Variants in PARP8 observed in about 807,000 individuals in gnomAD.
PARP8 encodes the protein protein mono-ADP-ribosyltransferase PARP8.
A neutral mutation model predicts 124.1 loss-of-function variants in PARP8; 51 were observed. The observed-to-expected ratio is 0.41, with a 90% confidence interval of 0.33 to 0.52. The LOEUF is 0.52. Ranked by LOEUF, PARP8 falls within the 20% of genes least tolerant of loss-of-function variation. The probability of loss-of-function intolerance (pLI) is 0.21; values close to 1 mark genes in which losing one functional copy is unlikely to be tolerated. For missense variants in PARP8, 860 were observed against 1,018.9 expected (o/e 0.84, Z 2.12); for synonymous variants, 391 against 361.5 (o/e 1.08, Z -0.93).
At chr5:50,693,716 A>G (rs1387387159) in intron 2 of PARP8, among the ~76,000 whole-genome samples, 27 of 151,774 alleles carry the variant, frequency 1.8e-4, no homozygotes, top group Non-Finnish European at 2.7e-4. Flanking sequence ...ATTGAATTAT[A>G]TAATGTAATC....
rs190359589 is a variant in PARP8, at chr5:50,844,646, T to C, written c.*2578T>C. ...AATGCTTTGTAATGGTTTTATTAAT[T>C]GTGTAGCCATTGCTACTTAGATAGT... On this transcript the variant is annotated 3_prime_UTR_variant, in exon 26 of 26. Coordinates refer to ENST00000281631, the MANE Select transcript of PARP8 (RefSeq NM_024615.4). 3 of 151,944 alleles carry C rather than the reference T, an allele frequency of 2.0e-5. No individual in the cohort carries two copies. The highest frequency in any genetic ancestry group is 7.2e-5 in the African/African-American group (3 of 41,528). The allele number at this position is 151,944 out of a possible 1,614,324, so 9.4% of individuals were successfully genotyped here. A position where few individuals can be genotyped will look rare whatever the true frequency, so the allele number is the denominator to read the frequency against.
chr5:50,764,531 C>T (rs1760866213), intron 7 of PARP8, among the ~76,000 whole-genome samples: 1 of 152,170 alleles, frequency 6.6e-6, no homozygotes, highest in Admixed American at 6.5e-5. Flanking sequence ...CCATCTGCAG[C>T]CTAAGATAAA....
At chr5:50,695,975 C>T (rs1752984487) in intron 2 of PARP8, among the ~76,000 whole-genome samples, 1 of 152,068 alleles carries the variant, frequency 6.6e-6, no homozygotes, top group African/African-American at 2.4e-5. Context: ...AATATATGCT[C>T]TTTATTGTTA....
At chr5:50,794,389 T>C (rs991730091) in intron 11 of PARP8, 57 bp downstream of exon 11, 5 of 1,579,238 alleles carry the variant, frequency 3.2e-6, no homozygotes, top group Non-Finnish European at 4.3e-6. Context: ...GTGATGTAGT[T>C]CATGCTTACA....
At chr5:50,794,178 T>TG (rs767230548) in intron 10 of PARP8, 29 bp from the exon 11 acceptor site, 39 of 1,597,504 alleles carry the variant, frequency 2.4e-5, no homozygotes, top group Non-Finnish European at 3.3e-5. Flanking sequence ...CTTGGAATGG[T>TG]GATAACAGAA....
rs771948865 is a variant in PARP8 at position 50,828,087 on chromosome 5, G to C, written c.2090+31G>C. The C allele has an allele frequency of 2.8e-6, 4 of 1,440,036 alleles. No individual in the cohort carries two copies. In the African/African-American group the frequency reaches 5.6e-5, roughly 20 times the overall value. The allele number at this position is 1,440,036 out of a possible 1,614,324, so 89.2% of individuals were successfully genotyped here. A position where few individuals can be genotyped will look rare whatever the true frequency, so the allele number is the denominator to read the frequency against. On this transcript the variant is annotated intron_variant, in intron 20 of 25. Coordinates refer to ENST00000281631, the MANE Select transcript of PARP8 (RefSeq NM_024615.4). ...TAAGGCTTAATGTTAATGGGGGTGT[G>C]CTCCCATTAACATTTTCCAGAAATG...
At chr5:50,733,425 C>CT (rs1350648643) in intron 2 of PARP8, among the ~76,000 whole-genome samples, 1 of 152,008 alleles carries the variant, frequency 6.6e-6, no homozygotes, top group Non-Finnish European at 1.5e-5. Flanking sequence ...TTTAAAAATA[C>CT]TTTTTTCTCT....
intron 14 of PARP8, among the ~76,000 whole-genome samples, chr5:50,808,140 A>G (rs1378776739): frequency 1.3e-5 from 2 of 151,994 alleles, no homozygotes; most frequent in African/African-American, 4.8e-5. Context: ...GGCAGGTCTC[A>G]GTCGATAAAG....
chr5:50,794,270 C>G lies in PARP8; in HGVS notation c.801C>G (p.His267Gln). ...GCAAAGAAAAATCCAATTGCCTGCA[C>G]AATAAAAAGTTGTCAGAGAAGAAAG... ...KQSKEKSNCL[H>Q]NKKLSEKKVK... Residue 267 changes from histidine to glutamine, a missense_variant, in exon 11 of 26, where the codon CAC becomes CAG. Coordinates refer to ENST00000281631, the MANE Select transcript of PARP8 (RefSeq NM_024615.4). 6.2e-7 allele frequency: 1 copy of G among 1,613,552 alleles called. No individual in the cohort carries two copies. Among genetic ancestry groups the G allele is most frequent in the Non-Finnish European group, 8.5e-7 (1 of 1,179,662 alleles).
chr5:50,811,628 T>C (rs977060186), intron 14 of PARP8, among the ~76,000 whole-genome samples: 1 of 152,126 alleles, frequency 6.6e-6, no homozygotes, highest in African/African-American at 2.4e-5. Flanking sequence ...CTAGAGTACA[T>C]GTGCACGAAG....
chr5:50,828,406 A>G, intron 21 of PARP8, 22 bp downstream of exon 21: 1 of 1,587,930 alleles, frequency 6.3e-7, no homozygotes, highest in Non-Finnish European at 8.6e-7. Flanking sequence ...GAATGCTTTC[A>G]CAAGACTTCA....
chr5:50,808,013 T>A (rs955457838), intron 14 of PARP8, among the ~76,000 whole-genome samples: 5 of 151,980 alleles, frequency 3.3e-5, no homozygotes, highest in African/African-American at 1.2e-4. Context: ...AATCTATATT[T>A]TTGTGTATCC....
At chr5:50,819,996 A>G (rs1745579183) in intron 15 of PARP8, among the ~76,000 whole-genome samples, 1 of 152,184 alleles carries the variant, frequency 6.6e-6, no homozygotes. Flanking sequence ...CACAAATGAA[A>G]TAGTGTGTCA....
At chr5:50,798,875 A>C (rs2149659171) in intron 14 of PARP8, among the ~76,000 whole-genome samples, 1 of 152,348 alleles carries the variant, frequency 6.6e-6, no homozygotes, top group East Asian at 1.9e-4. Context: ...ATGTCTTTGG[A>C]GAAATGCCTA....
intron 6 of PARP8, among the ~76,000 whole-genome samples, chr5:50,762,351 G>T (rs1419963537): frequency 6.6e-6 from 1 of 151,916 alleles, no homozygotes; most frequent in Non-Finnish European, 1.5e-5. Context: ...TTGAATTCTT[G>T]GTGTTGAAAA....
intron 2 of PARP8, among the ~76,000 whole-genome samples, chr5:50,721,518 AT>A: frequency 6.6e-6 from 1 of 152,104 alleles, no homozygotes; most frequent in African/African-American, 2.4e-5. Flanking sequence ...TTCCCCTCCC[AT>A]TTTTTTCTTA....
intron 17 of PARP8, among the ~76,000 whole-genome samples, chr5:50,823,844 C>T (rs1746042783): frequency 6.6e-6 from 1 of 152,220 alleles, no homozygotes. Flanking sequence ...AATTGTATAA[C>T]TGGCTCATCA....
At chr5:50,814,867 T>C (rs1405151813) in intron 14 of PARP8, among the ~76,000 whole-genome samples, 1 of 152,142 alleles carries the variant, frequency 6.6e-6, no homozygotes, top group Non-Finnish European at 1.5e-5. Context: ...GCAGAGTGTA[T>C]ATTTCAGTGC....
chr5:50,812,815 T>C (rs1392201535), intron 14 of PARP8, among the ~76,000 whole-genome samples: 3 of 152,334 alleles, frequency 2.0e-5, no homozygotes, highest in South Asian at 2.1e-4. Context: ...TAAATATGGC[T>C]AGCCAGTTTT....
Sources: gnomAD v4.1 joint callset for allele counts (sites outside exome capture counted in the v4.1 genomes callset) on GRCh38, gnomAD v4.1.1 for gene constraint, MANE v1.5 for transcripts, NCBI Gene and HGNC (gene_info 2026-07-23, HGNC 2026-07-21) for gene names.